Variants in RANBP2 observed in about 807,000 individuals in gnomAD.
RANBP2 encodes RAN binding protein 2, also known as E3 SUMO-protein ligase RanBP2.
RANBP2 carries 57 observed loss-of-function variants against 303.6 expected under a neutral mutation model. That is an observed-to-expected ratio of 0.19 (90% CI 0.15 to 0.23). The LOEUF is 0.23. Ranked by LOEUF, RANBP2 falls within the 10% of genes least tolerant of loss-of-function variation. The pLI, the probability that RANBP2 is intolerant of heterozygous loss-of-function variation, is 1.00. For missense variants in RANBP2, 3,138 were observed against 3,780.8 expected (o/e 0.83, Z 4.46); for synonymous variants, 1,167 against 1,301.5 (o/e 0.90, Z 2.23).
the RANBP2 span, among the ~76,000 whole-genome samples, chr2:109,043,997 A>AT: frequency 2.8e-3 from 428 of 152,244 alleles, 2 homozygotes; most frequent in African/African-American, 9.7e-3. Flanking sequence ...ATGGAGAGGC[A>AT]TTTTTGGGCA....
the RANBP2 span, among the ~76,000 whole-genome samples, chr2:109,118,220 A>G: frequency 6.6e-6 from 1 of 152,064 alleles, no homozygotes; most frequent in African/African-American, 2.4e-5. Flanking sequence ...CAACTACCAC[A>G]TTTTGGGGTA....
At chr2:109,352,671 G>T in the RANBP2 span, among the ~76,000 whole-genome samples, 1 of 152,178 alleles carries the variant, frequency 6.6e-6, no homozygotes, top group Non-Finnish European at 1.5e-5. Flanking sequence ...GAAACTCAGG[G>T]AACCAGTTCT....
chr2:109,011,913 A>ATG, the RANBP2 span, among the ~76,000 whole-genome samples: 25 of 151,266 alleles, frequency 1.7e-4, no homozygotes, highest in Middle Eastern at 3.4e-3. Context: ...GTATGTGCAT[A>ATG]TGTGTGTGTG....
At chr2:109,540,887 T>A in the RANBP2 span, among the ~76,000 whole-genome samples, 1 of 152,124 alleles carries the variant, frequency 6.6e-6, no homozygotes, top group East Asian at 1.9e-4. Context: ...TTCTCGTCTA[T>A]AAAGACAAAG....
chr2:109,549,232 G>T, the RANBP2 span, among the ~76,000 whole-genome samples: 1 of 152,224 alleles, frequency 6.6e-6, no homozygotes, highest in African/African-American at 2.4e-5. Context: ...ACAAAGTCTG[G>T]AAAGGAAGCA....
chr2:109,346,180 G>T, the RANBP2 span, among the ~76,000 whole-genome samples: 1 of 152,148 alleles, frequency 6.6e-6, no homozygotes, highest in Admixed American at 6.5e-5. Flanking sequence ...GGAAGCAAAC[G>T]GATTTTTTTT....
At chr2:109,068,112 C>T in the RANBP2 span, among the ~76,000 whole-genome samples, 6 of 152,238 alleles carry the variant, frequency 3.9e-5, no homozygotes, top group African/African-American at 1.4e-4. Flanking sequence ...CACCCCCTCA[C>T]GGGGCTACCC....
At chr2:108,881,092 G>A in the RANBP2 span, among the ~76,000 whole-genome samples, 1 of 152,238 alleles carries the variant, frequency 6.6e-6, no homozygotes, top group East Asian at 1.9e-4. Flanking sequence ...CAGATGTGGA[G>A]CCTAAGATGG....
the RANBP2 span, among the ~76,000 whole-genome samples, chr2:109,141,144 C>T: frequency 6.6e-6 from 1 of 152,196 alleles, no homozygotes; most frequent in Non-Finnish European, 1.5e-5. Context: ...ACCACACCCC[C>T]CGGAGCCCAG....
chr2:109,621,012 G>A, the RANBP2 span, among the ~76,000 whole-genome samples: 2 of 152,186 alleles, frequency 1.3e-5, no homozygotes, highest in African/African-American at 4.8e-5. Flanking sequence ...GCACACTTGT[G>A]ACCAGTTCTG....
the RANBP2 span, chr2:109,129,831 C>T: frequency 6.5e-7 from 1 of 1,536,888 alleles, no homozygotes. Flanking sequence ...GCCCCGAGTG[C>T]CGCATCCTGG....
At chr2:109,493,836 A>G in the RANBP2 span, among the ~76,000 whole-genome samples, 1 of 152,138 alleles carries the variant, frequency 6.6e-6, no homozygotes, top group South Asian at 2.1e-4. Flanking sequence ...TTGTACATCA[A>G]GCAACCACAT....
chr2:109,057,983 T>C, the RANBP2 span, among the ~76,000 whole-genome samples: 137,786 of 152,222 alleles, frequency 0.91, 62,717 homozygotes, highest in East Asian at 0.95. Flanking sequence ...GGGGCCTTTG[T>C]GGCTGCGGAG....
the RANBP2 span, among the ~76,000 whole-genome samples, chr2:109,157,180 G>A: frequency 6.6e-6 from 1 of 152,110 alleles, no homozygotes; most frequent in South Asian, 2.1e-4. Flanking sequence ...TATCAGAGGG[G>A]ATCATAGTAT....
At chr2:109,324,271 T>A in the RANBP2 span, among the ~76,000 whole-genome samples, 1 of 152,202 alleles carries the variant, frequency 6.6e-6, no homozygotes, top group Non-Finnish European at 1.5e-5. Context: ...CTGTGACTAT[T>A]GATGTACAAG....
At chr2:109,365,515 T>G in the RANBP2 span, among the ~76,000 whole-genome samples, 61 of 152,320 alleles carry the variant, frequency 4.0e-4, no homozygotes, top group African/African-American at 1.5e-3. Flanking sequence ...TTTGTTCAGC[T>G]TTTTTACTCA....
At chr2:109,119,573 G>A in the RANBP2 span, among the ~76,000 whole-genome samples, 1 of 152,128 alleles carries the variant, frequency 6.6e-6, no homozygotes, top group African/African-American at 2.4e-5. Context: ...ATTTAAATAA[G>A]GGATTTTCTT....
chr2:109,331,478 G>A, the RANBP2 span, among the ~76,000 whole-genome samples: 1 of 151,988 alleles, frequency 6.6e-6, no homozygotes, highest in East Asian at 1.9e-4. Flanking sequence ...CAAAACCTCA[G>A]GGCTCCCGCG....
the RANBP2 span, chr2:109,615,713 C>T: frequency 6.2e-6 from 10 of 1,613,378 alleles, no homozygotes; most frequent in Non-Finnish European, 8.5e-6. Context: ...CCGCGGGTAG[C>T]GGCGGCGGGC....
Sources: gnomAD v4.1 joint callset for allele counts (sites outside exome capture counted in the v4.1 genomes callset) on GRCh38, gnomAD v4.1.1 for gene constraint, MANE v1.5 for transcripts, NCBI Gene and HGNC (gene_info 2026-07-23, HGNC 2026-07-21) for gene names.